Variants in BCL2L1 observed in about 807,000 individuals in gnomAD.
The protein encoded by BCL2L1 is bcl-2-like protein 1.
A neutral mutation model predicts 18.7 loss-of-function variants in BCL2L1; 1 was observed. That is an observed-to-expected ratio of 0.05 (90% CI 0.02 to 0.25). The LOEUF is 0.25. BCL2L1 is among the 10% of genes least tolerant of loss of function. The pLI is 1.00. For synonymous variants in BCL2L1, 103 were observed against 122.7 expected (o/e 0.84, Z 1.06); for missense variants, 207 against 304.9 (o/e 0.68, Z 2.39).
rs2061597582 is a variant in BCL2L1, at chr20:31,720,044, T to C, written c.564+1611A>G. 2.2e-5 allele frequency: 21 copies of C among 949,790 alleles called. No homozygotes were observed. In the South Asian group the frequency reaches 8.8e-4, roughly 40 times the overall value. The allele number at this position is 949,790 out of a possible 1,614,324, so 58.8% of individuals were successfully genotyped here. ...CCAACAGGAACTATTTAATCATTTA[T>C]CCCCCTAGAGAGTTCATTTACAGAA... On this transcript the variant is annotated intron_variant, in intron 2 of 2. Transcript: ENST00000307677.
In BCL2L1 at chr20:31,722,077, G is replaced by T; in HGVS notation, c.142C>A (p.Pro48Thr). ...GATGGGTTGCCATTGATGGCACTGG[G>T]GGTCTCCATCTCCGATTCAGTCCCT... ...PEGTESEMET[P>T]SAINGNPSWH... The change falls in exon 2 of 3, where the codon CCC becomes ACC. Residue 48 changes from proline to threonine, a missense_variant. Physicochemically the swap from Pro to Thr is conservative, Grantham distance 38. Transcript: ENST00000307677. 1 of 1,596,328 alleles carries T rather than the reference G, an allele frequency of 6.3e-7. No homozygotes were observed.
chr20:31,704,910 A>G (rs1008166897), intron 2 of BCL2L1, among the ~76,000 whole-genome samples: 1 of 152,230 alleles, frequency 6.6e-6, no homozygotes, highest in Non-Finnish European at 1.5e-5. Context: ...AATATTAATG[A>G]GTTTTATGAG....
At chr20:31,723,540 C>G, upstream of BCL2L1, 2 of 984,620 alleles carry the variant, frequency 2.0e-6, no homozygotes, top group African/African-American at 1.7e-5. Flanking sequence ...GGGTACCCGC[C>G]GAGCCACCGC....
At chr20:31,689,601 C>T (rs1171615710) in intron 2 of BCL2L1, among the ~76,000 whole-genome samples, 2 of 152,178 alleles carry the variant, frequency 1.3e-5, no homozygotes, top group African/African-American at 4.8e-5. Context: ...ACCACTCCCT[C>T]TCCTGTTTTC....
chr20:31,713,028 G>A (rs1261125432), intron 2 of BCL2L1, among the ~76,000 whole-genome samples: 1 of 152,070 alleles, frequency 6.6e-6, no homozygotes, highest in Non-Finnish European at 1.5e-5. Flanking sequence ...CAAACCTCAA[G>A]TTATCTCTTA....
chr20:31,715,610 C>T (rs1281933699), intron 2 of BCL2L1, among the ~76,000 whole-genome samples: 2 of 152,158 alleles, frequency 1.3e-5, no homozygotes, highest in Non-Finnish European at 1.5e-5. Flanking sequence ...TCAGGACATA[C>T]CATCCCAAAA....
chr20:31,665,715 T>C lies in BCL2L1; in HGVS notation c.*234A>G. ...CCTGCCAGCCTCCTTTGGACAGATT[T>C]TGTGGAAATTTTGTGAATTCTGAGG... is the stretch of plus-strand genomic sequence containing the variant. On this transcript the variant is annotated 3_prime_UTR_variant, in exon 3 of 3. Transcript: ENST00000307677. 1.7e-6 allele frequency: 1 copy of C among 594,132 alleles called. No homozygotes were observed. The highest frequency in any genetic ancestry group is 2.9e-6 in the Non-Finnish European group (1 of 345,106). The allele number at this position is 594,132 out of a possible 1,614,324, so 36.8% of individuals were successfully genotyped here. A position where few individuals can be genotyped will look rare whatever the true frequency, so the allele number is the denominator to read the frequency against.
intron 2 of BCL2L1, among the ~76,000 whole-genome samples, chr20:31,674,843 C>G (rs868481927): frequency 2.7e-4 from 41 of 149,294 alleles, no homozygotes; most frequent in African/African-American, 1.0e-3. Flanking sequence ...CCACTGCACT[C>G]CAGCCAGGGC....
chr20:31,702,073 T>C (rs1416622181), intron 2 of BCL2L1, among the ~76,000 whole-genome samples: 3 of 152,196 alleles, frequency 2.0e-5, no homozygotes, highest in African/African-American at 4.8e-5. Flanking sequence ...AGAAATAGCA[T>C]GGCTACTTTA....
intron 2 of BCL2L1, among the ~76,000 whole-genome samples, chr20:31,683,070 A>T (rs980758761): frequency 6.6e-6 from 1 of 152,210 alleles, no homozygotes; most frequent in Admixed American, 6.5e-5. Context: ...TGGCAGCCAG[A>T]GGGGTCAGCA....
chr20:31,716,744 C>T (rs1245544299), intron 2 of BCL2L1: 1 of 152,186 alleles, frequency 6.6e-6, no homozygotes, highest in Non-Finnish European at 1.5e-5. Context: ...GTCTTCTCTG[C>T]ACATAATTTA....
intron 2 of BCL2L1, among the ~76,000 whole-genome samples, chr20:31,705,917 G>T (rs2061362664): frequency 6.6e-6 from 1 of 152,022 alleles, no homozygotes; most frequent in African/African-American, 2.4e-5. Flanking sequence ...TCTCATGTAT[G>T]CACCTGCTGC....
chr20:31,689,361 C>T lies in BCL2L1; in HGVS notation c.565-23275G>A, dbSNP rs1460239972. On this transcript the variant is annotated intron_variant, in intron 2 of 2. Coordinates refer to ENST00000307677, the MANE Select transcript of BCL2L1 (RefSeq NM_138578.3). ...CTACTAACACTTCAGGAGGCTGAGGCGGGTGGATTGCTTGAGACCAGGAGT... is the reference window on the plus strand; with the variant it reads ...CTACTAACACTTCAGGAGGCTGAGGTGGGTGGATTGCTTGAGACCAGGAGT... Among the ~76,000 whole-genome samples, 5 of 137,054 alleles carry T rather than the reference C, an allele frequency of 3.6e-5. No individual in the cohort carries two copies. The South Asian group carries it at 7.4e-4, about 20-fold the overall frequency. 89.9% of individuals were successfully genotyped at this position (137,054 alleles called of 152,430 possible). A position where few individuals can be genotyped will look rare whatever the true frequency, so the allele number is the denominator to read the frequency against.
rs1234916006 is a variant in BCL2L1 at position 31,721,752 on chromosome 20, T to A, written c.467A>T (p.Asp156Val). The A allele has an allele frequency of 1.2e-6, 2 of 1,613,960 alleles. No individual in the cohort carries two copies. Among genetic ancestry groups the A allele is most frequent in the Non-Finnish European group, 1.7e-6 (2 of 1,180,016 alleles). ...ACTCACCAATACCTGCATCTCCTTG[T>A]CTACGCTTTCCACGCACAGTGCCCC... ...FGGALCVESVDKEMQVLVSRI... is the reference protein window; with the variant it reads ...FGGALCVESVVKEMQVLVSRI... The change falls in exon 2 of 3, where the codon GAC becomes GTC. Residue 156 changes from aspartate to valine, a missense_variant. By Grantham distance (152) the Asp-to-Val change is radical. Transcript: ENST00000307677.
rs764114817 is a variant in BCL2L1, at chr20:31,721,907, T to C, written c.312A>G (p.Ala104=). ...GDEFELRYRR[A]FSDLTSQLHI... ...GGAGCTGGGATGTCAGGTCACTGAATGCCCGCCGGTACCGCAGTTCAAACT... is the reference window on the plus strand; with the variant it reads ...GGAGCTGGGATGTCAGGTCACTGAACGCCCGCCGGTACCGCAGTTCAAACT... Residue 104 remains alanine, a synonymous_variant, in exon 2 of 3, where the codon GCA becomes GCG. Transcript: ENST00000307677. 1 of 1,614,234 alleles carries C rather than the reference T, an allele frequency of 6.2e-7. No homozygotes were observed. The highest frequency in any genetic ancestry group is 2.2e-5 in the East Asian group (1 of 44,890).
At chr20:31,675,091 C>T (rs1443559743) in intron 2 of BCL2L1, among the ~76,000 whole-genome samples, 4 of 152,084 alleles carry the variant, frequency 2.6e-5, no homozygotes, top group Non-Finnish European at 4.4e-5. Context: ...AAAGTGAAAC[C>T]CTTCCGTCCT....
chr20:31,691,844 G>T (rs766474120), intron 2 of BCL2L1, among the ~76,000 whole-genome samples: 2 of 152,120 alleles, frequency 1.3e-5, no homozygotes, highest in African/African-American at 2.4e-5. Flanking sequence ...AATTAAAACC[G>T]CAAGATACCA....
chr20:31,672,558 T>C (rs1296917574), intron 2 of BCL2L1, among the ~76,000 whole-genome samples: 2 of 151,970 alleles, frequency 1.3e-5, no homozygotes, highest in East Asian at 3.9e-4. Context: ...TGATGGCCTC[T>C]GTGTGCCTGG....
intron 2 of BCL2L1, among the ~76,000 whole-genome samples, chr20:31,718,774 C>T (rs1254297043): frequency 5.3e-5 from 8 of 152,186 alleles, no homozygotes; most frequent in African/African-American, 7.2e-5. Context: ...GCTACCAACA[C>T]GCCTCTGGGA....
Sources: allele counts gnomAD v4.1 joint callset (sites outside exome capture counted in the v4.1 genomes callset), GRCh38; gene constraint gnomAD v4.1.1; transcripts MANE v1.5; gene names NCBI Gene and HGNC (gene_info 2026-07-23, HGNC 2026-07-21).